DLG2: variants seen among roughly 807,000 people sequenced by gnomAD.
The protein encoded by DLG2 is disks large homolog 2.
DLG2 carries 45 observed loss-of-function variants against 132.5 expected under a neutral mutation model. That is an observed-to-expected ratio of 0.34 (90% CI 0.27 to 0.44). DLG2 has a LOEUF of 0.44. DLG2 is among the 20% of genes least tolerant of loss of function. The pLI is 1.00. For synonymous variants in DLG2, 424 were observed against 419.6 expected, an observed-to-expected ratio of 1.01 and a Z score of -0.13; for missense variants, 1,045 against 1,196.9, an observed-to-expected ratio of 0.87 and a Z score of 1.87.
intron 3 of DLG2, among the ~76,000 whole-genome samples, chr11:85,305,900 TC>T (rs2079911313): frequency 6.6e-6 from 1 of 152,186 alleles, no homozygotes; most frequent in African/African-American, 2.4e-5. Flanking sequence ...TATATCTAAC[TC>T]CTCTCATAGA....
At chr11:85,459,628 A>T (rs1375853974) in intron 3 of DLG2, among the ~76,000 whole-genome samples, 1 of 152,064 alleles carries the variant, frequency 6.6e-6, no homozygotes, top group African/African-American at 2.4e-5. Context: ...GGGAAGACAG[A>T]TCACTCCTTT....
Position 85,074,713 on chromosome 11 carries a change from TAGG to T in DLG2, c.357+36945_357+36947del, listed in dbSNP as rs1390635999. 4.6e-5 allele frequency among the ~76,000 whole-genome samples: 7 copies of T among 151,944 alleles called. No individual in the cohort carries two copies. The East Asian group carries it at 1.4e-3, about 30-fold the overall frequency. ...GCTCTGGGAAATGTCTTCAAGAATA[TAGG>T]AGGAGACTTGAGGCACTGGCATATG... On this transcript the variant is annotated intron_variant, in intron 6 of 27. Transcript: ENST00000376104.
At chr11:84,534,547 G>T (rs550794037) in intron 7 of DLG2, 23 bp downstream of exon 7, 10 of 1,609,364 alleles carry the variant, frequency 6.2e-6, no homozygotes, top group Non-Finnish European at 8.5e-6. Context: ...CAACTATAAA[G>T]TCGGAAGAGC....
At chr11:85,513,086 C>A (rs1368453063) in intron 3 of DLG2, among the ~76,000 whole-genome samples, 1 of 151,840 alleles carries the variant, frequency 6.6e-6, no homozygotes, top group African/African-American at 2.4e-5. Flanking sequence ...TGAATTAACA[C>A]AGAAAGAGAA....
chr11:84,425,640 G>C (rs1601893289), intron 7 of DLG2, among the ~76,000 whole-genome samples: 2 of 152,154 alleles, frequency 1.3e-5, no homozygotes, highest in East Asian at 3.9e-4. Flanking sequence ...TATATGCTGA[G>C]ATAACAAGAG....
At chr11:83,892,805 A>G (rs2070353800) in intron 15 of DLG2, among the ~76,000 whole-genome samples, 1 of 152,146 alleles carries the variant, frequency 6.6e-6, no homozygotes, top group Non-Finnish European at 1.5e-5. Context: ...CCAATCACCT[A>G]ACTGGCCAAT....
Position 84,030,029 on chromosome 11 carries a change from T to A in DLG2, c.919+29286A>T, listed in dbSNP as rs1488305012. 3.3e-5 allele frequency among the ~76,000 whole-genome samples: 5 copies of A among 152,106 alleles called. No individual in the cohort carries two copies. In the East Asian group the frequency reaches 9.6e-4, roughly 29 times the overall value. The stretch of plus-strand genomic sequence containing the variant: ...ATATATCTGTATCTATATATCTGTA[T>A]CTTTATCTATTTGTCTCTCTCACAC... On this transcript the variant is annotated intron_variant, in intron 11 of 27. Coordinates refer to ENST00000376104, the MANE Select transcript of DLG2 (RefSeq NM_001142699.3).
In DLG2 at chr11:83,994,867, C is replaced by T. The variant is rs569749852; in HGVS notation, c.920-14225G>A. On this transcript the variant is annotated intron_variant, in intron 11 of 27. Transcript: ENST00000376104. Reference sequence around the variant, plus strand: ...CTATTCCATGCCCCTCTTCTGGATTCTGGTGATTTGCTGGCAGTACTTGGC... The same window carrying T: ...CTATTCCATGCCCCTCTTCTGGATTTTGGTGATTTGCTGGCAGTACTTGGC... 2.6e-5 allele frequency among the ~76,000 whole-genome samples: 4 copies of T among 152,148 alleles called. No homozygotes were observed. In the East Asian group the frequency reaches 5.8e-4, roughly 22 times the overall value.
chr11:84,422,280 C>T (rs2098953418), intron 7 of DLG2, among the ~76,000 whole-genome samples: 1 of 152,092 alleles, frequency 6.6e-6, no homozygotes, highest in South Asian at 2.1e-4. Context: ...TCTAGTATCC[C>T]TATTTTACAG....
chr11:83,779,325 G>C (rs2094712709), intron 18 of DLG2, among the ~76,000 whole-genome samples: 1 of 152,112 alleles, frequency 6.6e-6, no homozygotes, highest in Non-Finnish European at 1.5e-5. Context: ...TTCCAGATTT[G>C]TGGCTATTTT....
chr11:84,273,310 A>G, intron 7 of DLG2: 1 of 1,255,732 alleles, frequency 8.0e-7, no homozygotes, highest in Non-Finnish European at 1.0e-6. Context: ...GAAGAGGAAA[A>G]AAAAAAAAAA....
At chr11:83,850,607 T>C (rs1002252013) in intron 16 of DLG2, among the ~76,000 whole-genome samples, 3 of 152,166 alleles carry the variant, frequency 2.0e-5, no homozygotes, top group Admixed American at 6.5e-5. Flanking sequence ...GACTACAATG[T>C]ACCATTCTAG....
chr11:84,624,247 C>A (rs1288687169), intron 6 of DLG2, among the ~76,000 whole-genome samples: 6 of 152,084 alleles, frequency 3.9e-5, no homozygotes, highest in African/African-American at 1.4e-4. Flanking sequence ...TTATACCATG[C>A]CTATTTCTAC....
intron 6 of DLG2, among the ~76,000 whole-genome samples, chr11:85,075,002 A>G (rs2066339729): frequency 6.6e-6 from 1 of 151,882 alleles, no homozygotes; most frequent in Non-Finnish European, 1.5e-5. Context: ...CTAAAAGGGG[A>G]GGCAGGCAAT....
intron 6 of DLG2, among the ~76,000 whole-genome samples, chr11:84,796,716 C>T (rs1251613919): frequency 6.6e-6 from 1 of 151,534 alleles, no homozygotes; most frequent in Non-Finnish European, 1.5e-5. Flanking sequence ...ATATGTCATG[C>T]CACTCTCTCC....
intron 14 of DLG2, among the ~76,000 whole-genome samples, chr11:83,961,492 C>A (rs1336575741): frequency 1.3e-5 from 2 of 151,986 alleles, no homozygotes; most frequent in Admixed American, 6.6e-5. Flanking sequence ...TGACCATAAG[C>A]AAGTTCCATA....
At chr11:84,641,548 T>A (rs950721767) in intron 6 of DLG2, among the ~76,000 whole-genome samples, 9 of 152,000 alleles carry the variant, frequency 5.9e-5, no homozygotes, top group Non-Finnish European at 1.2e-4. Flanking sequence ...AACTCTGGGG[T>A]GCTCCAAACC....
chr11:83,996,119 A>G (rs902699298), intron 11 of DLG2, among the ~76,000 whole-genome samples: 16 of 152,096 alleles, frequency 1.1e-4, no homozygotes, highest in African/African-American at 3.9e-4. Flanking sequence ...AACTCAAACA[A>G]CTCTAAGAAA....
At chr11:85,581,869 G>T (rs973782735) in intron 3 of DLG2, among the ~76,000 whole-genome samples, 1 of 152,152 alleles carries the variant, frequency 6.6e-6, no homozygotes, top group East Asian at 1.9e-4. Flanking sequence ...AAGAAGAAAG[G>T]TCAGCAGCTA....
Sources: gnomAD v4.1 joint callset for allele counts (sites outside exome capture counted in the v4.1 genomes callset) on GRCh38, gnomAD v4.1.1 for gene constraint, MANE v1.5 for transcripts, NCBI Gene and HGNC (gene_info 2026-07-23, HGNC 2026-07-21) for gene names.